CLIP2: variants seen among roughly 807,000 people sequenced by gnomAD.
CLIP2 encodes CAP-Gly domain-containing linker protein 2.
In CLIP2, 41 loss-of-function variants were observed where a neutral mutation model predicts 111.7. That is an observed-to-expected ratio of 0.37 (90% confidence interval 0.29 to 0.48). CLIP2 has a LOEUF of 0.48. Among genes scored for constraint, CLIP2 ranks in the 20% least tolerant of loss-of-function variants. CLIP2 has a pLI of 0.99. For synonymous variants in CLIP2, 660 were observed against 644.2 expected (o/e 1.02, Z -0.37); for missense variants, 1,160 against 1,422.1 (o/e 0.82, Z 2.96).
At chr7:74,362,493 G>A (rs1198814949) in intron 7 of CLIP2, among the ~76,000 whole-genome samples, 1 of 150,982 alleles carries the variant, frequency 6.6e-6, no homozygotes, top group African/African-American at 2.4e-5. Flanking sequence ...TGTGCCTGAC[G>A]CCAACAAACA....
intron 1 of CLIP2, among the ~76,000 whole-genome samples, chr7:74,299,324 AAAATAAATAAATAAAT>A (rs56395750): frequency 8.4e-4 from 124 of 147,318 alleles, no homozygotes; most frequent in African/African-American, 2.7e-3. Context: ...GACCCTGTCT[AAAATAAATAAATAAAT>A]AAATAAATAA....
In CLIP2 at chr7:74,376,436, G is replaced by T. The variant is rs546634691; in HGVS notation, c.2035G>T (p.Val679Leu). 1.2e-5 allele frequency: 19 copies of T among 1,614,030 alleles called. No individual in the cohort carries two copies. Among genetic ancestry groups the T allele is most frequent in the Non-Finnish European group, 1.6e-5 (19 of 1,180,026 alleles). ...GCATGACCTGGAGACCGCCATGCAC[G>T]TGAAGGAGAAGGAGGCCCTGCGAGA... ...AKHDLETAMH[V>L]KEKEALREKL... Residue 679 changes from valine to leucine, a missense_variant, in exon 10 of 17, where the codon GTG becomes TTG. By Grantham distance (32) the Val-to-Leu change is conservative (BLOSUM62 1). Transcript: ENST00000223398. The surrounding 1 kb of genome is among the most constrained non-coding windows in gnomAD (Gnocchi z 7.1).
chr7:74,335,325 C>T (rs1428916441), intron 2 of CLIP2, among the ~76,000 whole-genome samples: 2 of 142,700 alleles, frequency 1.4e-5, no homozygotes, highest in African/African-American at 5.0e-5. Context: ...GTTGGCACTT[C>T]ATAAATGCAG....
intron 1 of CLIP2, among the ~76,000 whole-genome samples, chr7:74,298,723 G>A (rs1788242385): frequency 6.6e-6 from 1 of 151,824 alleles, no homozygotes; most frequent in Admixed American, 6.6e-5. Context: ...TAGTAGAAAT[G>A]GGATTTCACC....
intron 11 of CLIP2, among the ~76,000 whole-genome samples, chr7:74,381,248 G>C (rs1790937084): frequency 6.6e-6 from 1 of 151,840 alleles, no homozygotes; most frequent in Non-Finnish European, 1.5e-5. Context: ...GAGTACAGTG[G>C]TGTGATCTCA....
At chr7:74,385,467 A>G (rs1554314627) in intron 11 of CLIP2, among the ~76,000 whole-genome samples, 1 of 149,908 alleles carries the variant, frequency 6.7e-6, no homozygotes, top group Admixed American at 6.7e-5. Context: ...CCTGTCTCAA[A>G]AAAAAAAAAA....
At chr7:74,320,245 G>A (rs1422531036) in intron 2 of CLIP2, among the ~76,000 whole-genome samples, 1 of 150,576 alleles carries the variant, frequency 6.6e-6, no homozygotes, top group South Asian at 2.1e-4. Flanking sequence ...AGCAGTGGGG[G>A]CCGGGCACAG....
intron 1 of CLIP2, among the ~76,000 whole-genome samples, chr7:74,309,857 G>A (rs1788597059): frequency 6.7e-6 from 1 of 149,536 alleles, no homozygotes; most frequent in South Asian, 2.1e-4. Context: ...CATCTATGTT[G>A]CACATATCAG....
chr7:74,294,775 T>A lies in CLIP2; in HGVS notation c.-68+5041T>A, dbSNP rs562708539. Among the ~76,000 whole-genome samples, 3 of 152,328 alleles carry A rather than the reference T, an allele frequency of 2.0e-5. No individual in the cohort carries two copies. In the East Asian group the frequency reaches 5.8e-4, roughly 29 times the overall value. ...TTGGGAAGACATCCGCCCTGCTTCC[T>A]GACAATGTAAACAATATCAGCCCTT... On this transcript the variant is annotated intron_variant, in intron 1 of 16. Transcript: ENST00000223398.
chr7:74,304,727 G>A (rs1276735151), intron 1 of CLIP2, among the ~76,000 whole-genome samples: 4 of 152,098 alleles, frequency 2.6e-5, no homozygotes, highest in African/African-American at 9.7e-5. Flanking sequence ...GCTGAGCCAA[G>A]AGAATCACTT....
chr7:74,368,917 T>A (rs1790528762), intron 8 of CLIP2, among the ~76,000 whole-genome samples: 1 of 152,132 alleles, frequency 6.6e-6, no homozygotes, highest in South Asian at 2.1e-4. Flanking sequence ...CAAATATTTT[T>A]AAAATGTAAA....
At chr7:74,297,202 G>C (rs1239930292) in intron 1 of CLIP2, among the ~76,000 whole-genome samples, 1 of 152,174 alleles carries the variant, frequency 6.6e-6, no homozygotes, top group African/African-American at 2.4e-5. Context: ...GCTGGGTGTG[G>C]TGGCTCACAC....
intron 3 of CLIP2, among the ~76,000 whole-genome samples, chr7:74,342,432 G>A (rs1258681260): frequency 6.6e-6 from 1 of 152,052 alleles, no homozygotes; most frequent in Non-Finnish European, 1.5e-5. Context: ...GTGGGCAGTG[G>A]GGGAAGCCAG....
chr7:74,402,329 C>CA (rs1232917733), intron 16 of CLIP2, among the ~76,000 whole-genome samples: 919 of 42,274 alleles, frequency 0.022, 13 homozygotes, highest in African/African-American at 0.061. Flanking sequence ...GACTCCATCT[C>CA]AAAAAAAAAA....
In CLIP2 at chr7:74,301,580, C is replaced by T. The variant is rs11981067; in HGVS notation, c.-68+11846C>T. 3.4e-3 allele frequency among the ~76,000 whole-genome samples: 506 copies of T among 146,794 alleles called. 3 individuals are homozygous for T. The highest frequency in any genetic ancestry group is 0.01 in the African/African-American group (419 of 40,144). On this transcript the variant is annotated intron_variant, in intron 1 of 16. Transcript: ENST00000223398. ...TTTTTTTTTGTATTTTTGGTAGAGA[C>T]GGGGTTTCACCATGTTGGCCAGGCT...
In CLIP2 at chr7:74,297,469, C is replaced by T. The variant is rs536493710; in HGVS notation, c.-68+7735C>T. On this transcript the variant is annotated intron_variant, in intron 1 of 16. Coordinates refer to ENST00000223398, the MANE Select transcript of CLIP2 (RefSeq NM_003388.5). ...TCCAGCCTGGGGGACAGAGCAAGATCCTGTCTCAAAAAAAAACCCAAAAAA... is the reference window on the plus strand; with the variant it reads ...TCCAGCCTGGGGGACAGAGCAAGATTCTGTCTCAAAAAAAAACCCAAAAAA... Among the ~76,000 whole-genome samples, 48 of 151,914 alleles carry T rather than the reference C, an allele frequency of 3.2e-4. No individual in the cohort carries two copies. In the South Asian group the frequency reaches 5.4e-3, roughly 17 times the overall value.
intron 3 of CLIP2, among the ~76,000 whole-genome samples, chr7:74,353,266 T>C (rs1031576558): frequency 3.0e-4 from 46 of 151,944 alleles, no homozygotes; most frequent in Non-Finnish European, 5.7e-4. Flanking sequence ...TTTTTTTTTT[T>C]TTGACTCAGA....
At chr7:74,379,707 A>G (rs189326264) in intron 10 of CLIP2, among the ~76,000 whole-genome samples, 5 of 152,014 alleles carry the variant, frequency 3.3e-5, no homozygotes, top group Admixed American at 6.6e-5. Context: ...CAGAGGTTGC[A>G]GTGAGCCGAG....
rs184790728 is a variant in CLIP2 at position 74,403,310 on chromosome 7, C to T, written c.3130-527C>T. 4.6e-3 allele frequency among the ~76,000 whole-genome samples: 696 copies of T among 151,980 alleles called. 4 individuals are homozygous for T. The highest frequency in any genetic ancestry group is 0.01 in the Middle Eastern group (3 of 292). Reference sequence around the variant, plus strand: ...TTCTGGCTGGGCGCAGTGGCTCATGCCTGTAATCCCAGAACTTTGGGAGGC... The same window carrying T: ...TTCTGGCTGGGCGCAGTGGCTCATGTCTGTAATCCCAGAACTTTGGGAGGC... On this transcript the variant is annotated intron_variant, in intron 16 of 16. Transcript: ENST00000223398.
Sources: allele counts gnomAD v4.1 joint callset (sites outside exome capture counted in the v4.1 genomes callset), GRCh38; gene constraint gnomAD v4.1.1; non-coding constraint Gnocchi (gnomAD v3.1); transcripts MANE v1.5; gene names NCBI Gene and HGNC (gene_info 2026-07-23, HGNC 2026-07-21).